Variants in SEC23A observed in about 807,000 individuals in gnomAD.
The protein encoded by SEC23A is protein transport protein Sec23A.
In SEC23A, 56 loss-of-function variants were observed where a neutral mutation model predicts 103.7. The ratio of observed to expected loss-of-function variants is 0.54; its 90% CI spans 0.44 to 0.67. The LOEUF (loss-of-function observed/expected upper bound fraction) is 0.67, where lower values mean the gene tolerates loss of function less well. Among genes scored for constraint, SEC23A ranks in the 30% least tolerant of loss-of-function variants. The pLI, the probability that SEC23A is intolerant of heterozygous loss-of-function variation, is 0.00. For synonymous variants in SEC23A, 281 were observed against 293.0 expected (o/e 0.96, Z 0.42); for missense variants, 784 against 936.4 (o/e 0.84, Z 2.12).
rs749067197 is a variant in SEC23A, at chr14:39,091,497, A to C, written c.583T>G (p.Leu195Val). The change falls in exon 5 of 20, where the codon TTG becomes GTG. Residue 195 changes from leucine to valine, a missense_variant. This residue lies in a region of SEC23A where 683 missense variants were observed against 774.2 expected (regional missense o/e 0.88). Transcript: ENST00000307712. Reference sequence around the variant, plus strand: ...TTTACCTGCAGTTGTTTGGCAGACAAATCTTTTGTTCCTCTGAAGACATAG... The same window carrying C: ...TTTACCTGCAGTTGTTTGGCAGACACATCTTTTGTTCCTCTGAAGACATAG... ...KSYVFRGTKD[L>V]SAKQLQEMLG... is the part of the protein sequence containing the mutation. The C allele has an allele frequency of 1.9e-6, 3 of 1,613,736 alleles. No homozygotes were observed. Among genetic ancestry groups the C allele is most frequent in the East Asian group, 2.2e-5 (1 of 44,846 alleles).
intron 7 of SEC23A, among the ~76,000 whole-genome samples, chr14:39,084,862 G>C (rs759107490): frequency 1.3e-5 from 2 of 152,056 alleles, no homozygotes; most frequent in African/African-American, 4.8e-5. Context: ...GCAGAGATGG[G>C]GTTTTGCCAT....
intron 14 of SEC23A, among the ~76,000 whole-genome samples, chr14:39,049,236 G>C (rs1442650261): frequency 6.6e-6 from 1 of 151,892 alleles, no homozygotes; most frequent in Non-Finnish European, 1.5e-5. Context: ...CCAGCACTTT[G>C]GGAGGCCAAG....
chr14:39,075,471 G>A (rs1426990915), intron 8 of SEC23A, among the ~76,000 whole-genome samples: 3 of 152,076 alleles, frequency 2.0e-5, no homozygotes, highest in East Asian at 3.9e-4. Flanking sequence ...ATCAACATTA[G>A]TGAAATGTAC....
Position 39,094,255 on chromosome 14 carries a change from C to T in SEC23A, c.222-1011G>A, listed in dbSNP as rs74979816. On this transcript the variant is annotated intron_variant, in intron 2 of 19. Coordinates refer to ENST00000307712, the MANE Select transcript of SEC23A (RefSeq NM_006364.4). ...ATATATATGCATATATACACATATA[C>T]ATATATATGCATATATACACATATA... 4.5e-3 allele frequency among the ~76,000 whole-genome samples: 284 copies of T among 62,662 alleles called. 3 individuals carry two copies. The highest frequency in any genetic ancestry group is 0.018 in the African/African-American group (267 of 15,162). 41.1% of individuals were successfully genotyped at this position (62,662 alleles called of 152,430 possible). A position where few individuals can be genotyped will look rare whatever the true frequency, so the allele number is the denominator to read the frequency against.
At chr14:39,094,058 A>G (rs139208943) in intron 2 of SEC23A, among the ~76,000 whole-genome samples, 10 of 151,430 alleles carry the variant, frequency 6.6e-5, no homozygotes, top group Non-Finnish European at 1.2e-4. Context: ...GTCTCGTTCT[A>G]TTGCCCATGC....
In SEC23A at chr14:39,033,271, A is replaced by G. The variant is rs1885359770; in HGVS notation, c.2266T>C (p.Leu756=). ...DVSLQVFMDH[L]KKLAVSSAA is the part of the protein sequence containing the mutation. ...GCACTGGACACAGCAAGTTTCTTCA[A>G]GTGATCCATAAACACTTGTAAACTA... The change falls in exon 20 of 20, where the codon TTG becomes CTG. Residue 756 remains leucine, a synonymous_variant. Coordinates refer to ENST00000307712, the MANE Select transcript of SEC23A (RefSeq NM_006364.4). 1 of 1,613,448 alleles carries G rather than the reference A, an allele frequency of 6.2e-7. No individual in the cohort carries two copies. Among genetic ancestry groups the G allele is most frequent in the African/African-American group, 1.3e-5 (1 of 74,912 alleles).
Position 39,040,877 on chromosome 14 carries a change from T to C in SEC23A, c.1997A>G (p.Gln666Arg), listed in dbSNP as rs376072059. 1.7e-5 allele frequency: 28 copies of C among 1,613,786 alleles called. No homozygotes were observed. Among genetic ancestry groups the C allele is most frequent in the Non-Finnish European group, 2.3e-5 (27 of 1,179,910 alleles). The stretch of plus-strand genomic sequence containing the variant: ...ATCCTGGTATCCTGACTTCCGCCAC[T>C]GTGCTATGGTCTAATTTTAAAACAA... ...ILIYHGETIA[Q>R]WRKSGYQDMP... The change falls in exon 18 of 20, where the codon CAG (glutamine) becomes CGG (arginine). Residue 666 changes from glutamine (Q) to arginine (R), a missense_variant. By Grantham distance (43) the Gln-to-Arg change is conservative. Transcript: ENST00000307712.
chr14:39,096,216 T>C (rs925447062), intron 1 of SEC23A, 77 bp from the exon 2 acceptor site: 20 of 931,436 alleles, frequency 2.1e-5, no homozygotes, highest in East Asian at 2.6e-5. Flanking sequence ...TCTCCCCTCA[T>C]TCAGCAATAT....
At chr14:39,063,110 T>G (rs775973494) in intron 12 of SEC23A, among the ~76,000 whole-genome samples, 15 of 152,218 alleles carry the variant, frequency 9.9e-5, no homozygotes, top group South Asian at 4.1e-4. Context: ...GTTTGGCGTT[T>G]GTAGGTTTCC....
chr14:39,068,108 A>AT (rs1371487945), intron 9 of SEC23A, among the ~76,000 whole-genome samples: 3 of 152,126 alleles, frequency 2.0e-5, no homozygotes, highest in Non-Finnish European at 2.9e-5. Flanking sequence ...CTTATTTTTA[A>AT]TTTTTTTAAT....
chr14:39,088,907 G>A (rs1401311460), intron 5 of SEC23A, among the ~76,000 whole-genome samples: 3 of 151,556 alleles, frequency 2.0e-5, no homozygotes, highest in Non-Finnish European at 4.4e-5. Context: ...GGTGGCTCAC[G>A]CCTGTAATCC....
chr14:39,041,189 C>G lies in SEC23A; in HGVS notation c.1987-302G>C, dbSNP rs559374544. ...AAGCTATCTACCTAAGCTTATGATA[C>G]GTGAAAGCAATTGAATCAATCCATA... On this transcript the variant is annotated intron_variant, in intron 17 of 19. Coordinates refer to ENST00000307712, the MANE Select transcript of SEC23A (RefSeq NM_006364.4). 97 of 226,416 alleles carry G rather than the reference C, an allele frequency of 4.3e-4. No homozygotes were observed. The South Asian group carries it at 6.2e-3, about 14-fold the overall frequency. The allele number at this position is 226,416 out of a possible 1,614,324, so 14.0% of individuals were successfully genotyped here. A position where few individuals can be genotyped will look rare whatever the true frequency, so the allele number is the denominator to read the frequency against.
At position 39,095,919 on chromosome 14, in the gene SEC23A, C is replaced by T. The variant is rs781419160; in HGVS notation, c.200G>A (p.Arg67His). The T allele has an allele frequency of 2.2e-5, 36 of 1,613,102 alleles. No homozygotes were observed. The highest frequency in any genetic ancestry group is 4.0e-5 in the African/African-American group (3 of 74,874). The change falls in exon 2 of 20, where the codon CGT (arginine) becomes CAT (histidine). Residue 67 changes from arginine to histidine, a missense_variant. Physicochemically the swap from Arg to His is conservative, Grantham distance 29. Coordinates refer to ENST00000307712, the MANE Select transcript of SEC23A (RefSeq NM_006364.4). ...EPVLCSRTTCRAVLNPLCQVD... is the reference protein window; with the variant it reads ...EPVLCSRTTCHAVLNPLCQVD... Reference sequence around the variant, plus strand: ...TTACCATAAAGGATTCAAAACTGCACGGCAAGTGGTCCTACTACACAGAAC... The same window carrying T: ...TTACCATAAAGGATTCAAAACTGCATGGCAAGTGGTCCTACTACACAGAAC...
chr14:39,102,640 C>T (rs1021114860), intron 1 of SEC23A, among the ~76,000 whole-genome samples: 1 of 151,998 alleles, frequency 6.6e-6, no homozygotes, highest in African/African-American at 2.4e-5. Context: ...ATTACGGTGA[C>T]GTAGTCAATT....
At chr14:39,075,051 G>T (rs897059495) in intron 8 of SEC23A, among the ~76,000 whole-genome samples, 1 of 152,152 alleles carries the variant, frequency 6.6e-6, no homozygotes, top group Admixed American at 6.5e-5. Flanking sequence ...AGCTTACAGT[G>T]AGTGGAGATC....
intron 10 of SEC23A, among the ~76,000 whole-genome samples, chr14:39,066,354 A>C (rs1277345938): frequency 6.6e-6 from 1 of 152,218 alleles, no homozygotes; most frequent in African/African-American, 2.4e-5. Flanking sequence ...AGAATCAATT[A>C]GGATTAGAAG....
chr14:39,070,071 G>C (rs1886794634), intron 9 of SEC23A, among the ~76,000 whole-genome samples: 1 of 152,136 alleles, frequency 6.6e-6, no homozygotes, highest in Non-Finnish European at 1.5e-5. Context: ...TAGTTCCTCA[G>C]TCATACTTGC....
intron 19 of SEC23A, among the ~76,000 whole-genome samples, chr14:39,033,870 C>A (rs1034795727): frequency 6.6e-6 from 1 of 152,110 alleles, no homozygotes; most frequent in African/African-American, 2.4e-5. Context: ...TAACCCAATC[C>A]ATTAACAATG....
chr14:39,078,181 G>C (rs1038880706), intron 7 of SEC23A, among the ~76,000 whole-genome samples: 1 of 152,056 alleles, frequency 6.6e-6, no homozygotes, highest in Admixed American at 6.6e-5. Flanking sequence ...GTTGAGCCCA[G>C]GAGTTCGATG....
Sources: allele counts gnomAD v4.1 joint callset (sites outside exome capture counted in the v4.1 genomes callset), GRCh38; gene constraint gnomAD v4.1.1; regional missense constraint gnomAD v4.1.1; transcripts MANE v1.5; gene names NCBI Gene and HGNC (gene_info 2026-07-23, HGNC 2026-07-21).